ANO3: variants seen among roughly 807,000 people sequenced by gnomAD.
The protein encoded by ANO3 is anoctamin 3.
Under a neutral mutation model 144.8 loss-of-function variants are expected in ANO3, and 99 were observed. The ratio of observed to expected loss-of-function variants is 0.68; its 90% CI spans 0.58 to 0.81. The LOEUF is 0.81. Ranked by LOEUF, ANO3 falls within the 30% of genes least tolerant of loss-of-function variation. ANO3 has a pLI of 0.00. For missense variants in ANO3, 905 were observed against 1,202.2 expected, an observed-to-expected ratio of 0.75 and a Z score of 3.66; for synonymous variants, 414 against 392.6, an observed-to-expected ratio of 1.05 and a Z score of -0.64.
chr11:26,324,366 CA>C (rs1854833929), intron 1 of ANO3, among the ~76,000 whole-genome samples: 1 of 152,152 alleles, frequency 6.6e-6, no homozygotes, highest in Admixed American at 6.5e-5. Flanking sequence ...CAAAGTTGTA[CA>C]TTGCCTGCCA....
chr11:26,465,124 TTGTGTGTGTGTG>T (rs36230269), intron 4 of ANO3, among the ~76,000 whole-genome samples: 32 of 145,302 alleles, frequency 2.2e-4, no homozygotes, highest in Middle Eastern at 3.2e-3. Flanking sequence ...CATCATTAAA[TTGTGTGTGTGTG>T]TGTGTGTGTG....
At chr11:26,585,416 T>C (rs1003161472) in intron 14 of ANO3, among the ~76,000 whole-genome samples, 2 of 152,184 alleles carry the variant, frequency 1.3e-5, no homozygotes, top group Admixed American at 6.5e-5. Flanking sequence ...TTATACACTT[T>C]CATTTTTAAG....
chr11:26,260,472 A>C (rs1853161333), intron 1 of ANO3, among the ~76,000 whole-genome samples: 1 of 152,200 alleles, frequency 6.6e-6, no homozygotes, highest in Non-Finnish European at 1.5e-5. Flanking sequence ...AGTACATGAG[A>C]AGAGACAATA....
intron 1 of ANO3, among the ~76,000 whole-genome samples, chr11:26,299,386 G>A (rs1190403973): frequency 6.6e-6 from 1 of 152,128 alleles, no homozygotes; most frequent in Non-Finnish European, 1.5e-5. Flanking sequence ...GTGATAAGAG[G>A]AAAATAAATA....
chr11:26,525,701 T>G, intron 7 of ANO3, 22 bp downstream of exon 7: 2 of 1,590,812 alleles, frequency 1.3e-6, no homozygotes, highest in South Asian at 2.3e-5. Context: ...ATGAATCATT[T>G]CTTTATAACA....
At chr11:26,506,081 G>A (rs1861424822) in intron 4 of ANO3, among the ~76,000 whole-genome samples, 1 of 151,116 alleles carries the variant, frequency 6.6e-6, no homozygotes, top group South Asian at 2.1e-4. Flanking sequence ...AAAAAAAAGT[G>A]TCTGAAGTGT....
chr11:26,388,048 G>T (rs1368260233), intron 1 of ANO3, among the ~76,000 whole-genome samples: 7 of 149,448 alleles, frequency 4.7e-5, no homozygotes. Flanking sequence ...TTATATTTTT[G>T]ACCCCAAATT....
intron 1 of ANO3, among the ~76,000 whole-genome samples, chr11:26,403,598 C>T (rs192790887): frequency 1.3e-5 from 2 of 151,960 alleles, no homozygotes; most frequent in East Asian, 3.9e-4. Flanking sequence ...AGACTGTTTT[C>T]CACATAGTAG....
intron 3 of ANO3, among the ~76,000 whole-genome samples, chr11:26,451,488 A>G (rs903994247): frequency 7.9e-5 from 12 of 152,176 alleles, no homozygotes; most frequent in African/African-American, 2.4e-4. Flanking sequence ...GATTGCTAGC[A>G]CAGCAGTCTG....
intron 1 of ANO3, among the ~76,000 whole-genome samples, chr11:26,392,734 GAA>G (rs760102444): frequency 2.1e-4 from 32 of 152,084 alleles, no homozygotes; most frequent in Non-Finnish European, 4.4e-4. Flanking sequence ...GAGAGAGAAT[GAA>G]AGAGAGAGAA....
intron 17 of ANO3, among the ~76,000 whole-genome samples, chr11:26,621,821 G>A (rs1254606379): frequency 6.6e-6 from 1 of 152,056 alleles, no homozygotes; most frequent in Non-Finnish European, 1.5e-5. Context: ...ATGCATCAGT[G>A]GCTGATTTTT....
chr11:26,286,326 T>A (rs1853806051), intron 1 of ANO3, among the ~76,000 whole-genome samples: 1 of 152,214 alleles, frequency 6.6e-6, no homozygotes, highest in Non-Finnish European at 1.5e-5. Context: ...TATAAAGGCC[T>A]GGGGTTTGTC....
At chr11:26,263,459 T>C (rs1382963379) in intron 1 of ANO3, among the ~76,000 whole-genome samples, 2 of 152,236 alleles carry the variant, frequency 1.3e-5, no homozygotes, top group Non-Finnish European at 2.9e-5. Context: ...ACACTGACTC[T>C]TCCTGTTGTC....
chr11:26,387,928 G>A (rs2133958543), intron 1 of ANO3, among the ~76,000 whole-genome samples: 1 of 152,130 alleles, frequency 6.6e-6, no homozygotes, highest in African/African-American at 2.4e-5. Context: ...ATAGGCCAAA[G>A]GTCAAGTATC....
At chr11:26,639,077 T>C in intron 20 of ANO3, 67 bp from the exon 21 acceptor site, 3 of 1,052,762 alleles carry the variant, frequency 2.8e-6, no homozygotes, top group South Asian at 2.6e-5. Flanking sequence ...TACAATTTAA[T>C]GGTGGGCATG....
rs573151202 is a variant in ANO3 at position 26,450,026 on chromosome 11, G to A, written c.313+6190G>A. On this transcript the variant is annotated intron_variant, in intron 3 of 26. Transcript: ENST00000256737. ...CCAGCTCAGCCTCCCAAAGCGCTGG[G>A]ATTTCAGGGGTGAGCCACTGTGCCC... 5.3e-5 allele frequency among the ~76,000 whole-genome samples: 8 copies of A among 152,236 alleles called. No homozygotes were observed. The South Asian group carries it at 1.7e-3, about 32-fold the overall frequency.
chr11:26,645,250 T>C (rs1853308054), intron 23 of ANO3, among the ~76,000 whole-genome samples: 1 of 152,116 alleles, frequency 6.6e-6, no homozygotes, highest in Non-Finnish European at 1.5e-5. Flanking sequence ...CTTAATCAAT[T>C]TTTCCAAAAC....
chr11:26,589,324 A>G (rs1263910165), intron 14 of ANO3, among the ~76,000 whole-genome samples: 2 of 152,108 alleles, frequency 1.3e-5, no homozygotes, highest in African/African-American at 2.4e-5. Context: ...AAATGCAACT[A>G]TGAACATTGT....
chr11:26,591,660 A>G (rs1050815098), intron 14 of ANO3, among the ~76,000 whole-genome samples: 3 of 152,178 alleles, frequency 2.0e-5, no homozygotes, highest in Admixed American at 2.0e-4. Flanking sequence ...GTACAGCAGC[A>G]TGGAGGAAGT....
Sources: gnomAD v4.1 joint callset for allele counts (sites outside exome capture counted in the v4.1 genomes callset) on GRCh38, gnomAD v4.1.1 for gene constraint, MANE v1.5 for transcripts, NCBI Gene and HGNC (gene_info 2026-07-23, HGNC 2026-07-21) for gene names.